IRAG1: variants seen among roughly 807,000 people sequenced by gnomAD.
IRAG1 encodes inositol 1,4,5-triphosphate receptor associated 1, also known as IP3R-associated cGMP kinase substrate.
IRAG1 carries 62 observed loss-of-function variants against 106.2 expected under a neutral mutation model. The ratio of observed to expected loss-of-function variants is 0.58; its 90% CI spans 0.48 to 0.72. IRAG1 has a LOEUF of 0.72. Ranked by LOEUF, IRAG1 falls within the 30% of genes least tolerant of loss-of-function variation. IRAG1 has a pLI of 0.00. For missense variants in IRAG1, 1,064 were observed against 1,140.7 expected (o/e 0.93, Z 0.97); for synonymous variants, 462 against 443.9 (o/e 1.04, Z -0.51).
chr11:10,643,690 C>T (rs1857718705), intron 2 of IRAG1, among the ~76,000 whole-genome samples: 1 of 152,118 alleles, frequency 6.6e-6, no homozygotes, highest in Non-Finnish European at 1.5e-5. Context: ...ATTATCTACC[C>T]AACCTATCAC....
At chr11:10,607,833 C>T in intron 11 of IRAG1, among the ~76,000 whole-genome samples, 1 of 152,160 alleles carries the variant, frequency 6.6e-6, no homozygotes, top group Non-Finnish European at 1.5e-5. Context: ...GCCATGAAGT[C>T]AGCGGAGTCC....
chr11:10,576,699 G>T, intron 20 of IRAG1, 124 bp from the exon 21 acceptor site: 1 of 1,246,674 alleles, frequency 8.0e-7, no homozygotes, highest in Non-Finnish European at 1.1e-6. Flanking sequence ...AAACTTAGCT[G>T]TGCCTAGATT....
In IRAG1 at chr11:10,659,142, A is replaced by C. The variant is rs1174887450; in HGVS notation, c.68-6960T>G. Among the ~76,000 whole-genome samples, 1 of 152,116 alleles carries C rather than the reference A, an allele frequency of 6.6e-6. No individual in the cohort carries two copies. Among genetic ancestry groups the C allele is most frequent in the Non-Finnish European group, 1.5e-5 (1 of 68,020 alleles). ...CCCTGTACTCATGATGACTCCCCCA[A>C]AACAGAGGTTTTTGTTCCACAGGTG... On this transcript the variant is annotated intron_variant, in intron 1 of 20. Transcript: ENST00000423302. The surrounding 1 kb of genome is among the most constrained non-coding windows in gnomAD (Gnocchi z 4.1).
At position 10,604,062 on chromosome 11, in the gene IRAG1, G is replaced by A. The variant is rs148345175; in HGVS notation, c.1743+343C>T. On this transcript the variant is annotated intron_variant, in intron 13 of 20. Coordinates refer to ENST00000423302, the MANE Select transcript of IRAG1 (RefSeq NM_130385.4). ...GGCCCCATCCAGGCTGAGAGAAGTG[G>A]CCTCTGCAGGGCCTGGGCCACAGTT... Among the ~76,000 whole-genome samples, 135 of 152,040 alleles carry A rather than the reference G, an allele frequency of 8.9e-4. 1 individual carries two copies. The East Asian group carries it at 0.024, about 27-fold the overall frequency.
Position 10,573,372 on chromosome 11 carries a change from A to G in IRAG1, c.*2960T>C, listed in dbSNP as rs1850680677. ...GCAGGGAACCAGACTCCTAGGGCTA[A>G]GCAGAGATGTCAGACTTCAGAGGCA... is the stretch of plus-strand genomic sequence containing the variant. On this transcript the variant is annotated 3_prime_UTR_variant, in exon 21 of 21. Coordinates refer to ENST00000423302, the MANE Select transcript of IRAG1 (RefSeq NM_130385.4). 6.6e-6 allele frequency: 1 copy of G among 152,244 alleles called. No homozygotes were observed. Among genetic ancestry groups the G allele is most frequent in the African/African-American group, 2.4e-5 (1 of 41,456 alleles). The allele number at this position is 152,244 out of a possible 1,614,324, so 9.4% of individuals were successfully genotyped here. A position where few individuals can be genotyped will look rare whatever the true frequency, so the allele number is the denominator to read the frequency against.
At chr11:10,579,410 A>G (rs752456723) in intron 20 of IRAG1, among the ~76,000 whole-genome samples, 3 of 152,194 alleles carry the variant, frequency 2.0e-5, no homozygotes, top group African/African-American at 2.4e-5. Flanking sequence ...TTTTGTCTGG[A>G]GCTGCCCTGG....
chr11:10,658,670 C>A (rs1262166717), intron 1 of IRAG1: 2 of 196,808 alleles, frequency 1.0e-5, no homozygotes, highest in African/African-American at 2.4e-5. Context: ...GTGCTCAGTC[C>A]CAGGTCCGTG....
At position 10,665,878 on chromosome 11, in the gene IRAG1, T is replaced by C. The variant is rs1859750596; in HGVS notation, c.68-13696A>G. Among the ~76,000 whole-genome samples the C allele has an allele frequency of 6.6e-6, 1 of 152,202 alleles. No homozygotes were observed. Among genetic ancestry groups the C allele is most frequent in the South Asian group, 2.1e-4 (1 of 4,828 alleles). On this transcript the variant is annotated intron_variant, in intron 1 of 20. Coordinates refer to ENST00000423302, the MANE Select transcript of IRAG1 (RefSeq NM_130385.4). The surrounding 1 kb of genome is among the most constrained non-coding windows in gnomAD (Gnocchi z 4.2). ...GTGAGCAGTCCCTTGGTTATCCAGATGTATGCAAACAGCTGCATTAGCTGA... is the reference window on the plus strand; with the variant it reads ...GTGAGCAGTCCCTTGGTTATCCAGACGTATGCAAACAGCTGCATTAGCTGA...
At position 10,680,534 on chromosome 11, in the gene IRAG1, A is replaced by AGG. The variant is rs1359347721; in HGVS notation, c.67+13000_67+13001dup. On this transcript the variant is annotated intron_variant, in intron 1 of 20. Transcript: ENST00000423302. ...GAAAAAGAAAGGAAGAAAGGAAGGA[A>AGG]GGAAGGGGAAGGGGAAGGGGAAGGG... 1.1e-4 allele frequency among the ~76,000 whole-genome samples: 16 copies of AGG among 141,230 alleles called. No homozygotes were observed. The East Asian group carries it at 1.6e-3, about 14-fold the overall frequency. The allele number at this position is 141,230 out of a possible 152,430, so 92.7% of individuals were successfully genotyped here. A position where few individuals can be genotyped will look rare whatever the true frequency, so the allele number is the denominator to read the frequency against.
intron 1 of IRAG1, among the ~76,000 whole-genome samples, chr11:10,664,988 C>A (rs747575257): frequency 6.6e-6 from 1 of 151,892 alleles, no homozygotes; most frequent in Non-Finnish European, 1.5e-5. Context: ...CCCCTTTTTT[C>A]TTAAGCTGGC....
Position 10,581,934 on chromosome 11 carries a change from G to C in IRAG1, c.2293C>G (p.Leu765Val). Residue 765 changes from leucine to valine, a missense_variant, in exon 19 of 21, where the codon CTG (leucine) becomes GTG (valine). By Grantham distance (32) the Leu-to-Val change is conservative. Coordinates refer to ENST00000423302, the MANE Select transcript of IRAG1 (RefSeq NM_130385.4). ...TGACTAAGCTCCTCCAGGCAGCTCA[G>C]GGTCAGCGCAGGAGCAGAGGCTTCA... ...DCEASAPALT[L>V]SCLEELSQET... 6.2e-7 allele frequency: 1 copy of C among 1,613,926 alleles called. No individual in the cohort carries two copies. Among genetic ancestry groups the C allele is most frequent in the Non-Finnish European group, 8.5e-7 (1 of 1,179,822 alleles).
chr11:10,612,944 T>C (rs1410728244), intron 10 of IRAG1, among the ~76,000 whole-genome samples: 1 of 152,062 alleles, frequency 6.6e-6, no homozygotes, highest in East Asian at 1.9e-4. Context: ...AACCAATTTA[T>C]TGGAAAAATG....
chr11:10,651,985 C>T, intron 2 of IRAG1, 40 bp downstream of exon 2: 1 of 1,521,240 alleles, frequency 6.6e-7, no homozygotes, highest in Non-Finnish European at 8.8e-7. Flanking sequence ...TTGGCTTGGC[C>T]CCCAGCCAGG....
chr11:10,672,632 T>C (rs965097835), intron 1 of IRAG1, among the ~76,000 whole-genome samples: 2 of 152,136 alleles, frequency 1.3e-5, no homozygotes, highest in Non-Finnish European at 2.9e-5. Flanking sequence ...AGGTACCACT[T>C]TACACCCATG....
chr11:10,652,185 G>A lies in IRAG1; in HGVS notation c.68-3C>T. ...CCAAGAGGCCTGGGCTCCACAGGCT[G>A]GGGAGATGCCAAAAGGACAAGTCAA... On this transcript the variant is annotated splice_region_variant and splice_polypyrimidine_tract_variant and intron_variant, in intron 1 of 20. Transcript: ENST00000423302. 1 of 1,613,772 alleles carries A rather than the reference G, an allele frequency of 6.2e-7. No individual in the cohort carries two copies. The highest frequency in any genetic ancestry group is 1.1e-5 in the South Asian group (1 of 90,994).
chr11:10,690,983 G>T (rs775951174), intron 1 of IRAG1, among the ~76,000 whole-genome samples: 2 of 152,244 alleles, frequency 1.3e-5, no homozygotes, highest in South Asian at 4.1e-4. Context: ...CCAGGCCTCT[G>T]CTTCTATTCA....
rs374138278 is a variant in IRAG1, at chr11:10,634,103, G to T, written c.226-32C>A. ...GTTTAGAACAAAAACACAGAGTTAG[G>T]CTTGGGCTGGTGGGACTTCCAGGGA... is the stretch of plus-strand genomic sequence containing the variant. On this transcript the variant is annotated intron_variant, in intron 2 of 20. Transcript: ENST00000423302. 17 of 1,438,628 alleles carry T rather than the reference G, an allele frequency of 1.2e-5. No homozygotes were observed. The Admixed American group carries it at 2.7e-4, about 23-fold the overall frequency. The allele number at this position is 1,438,628 out of a possible 1,614,324, so 89.1% of individuals were successfully genotyped here. A position where few individuals can be genotyped will look rare whatever the true frequency, so the allele number is the denominator to read the frequency against.
At chr11:10,642,796 G>A (rs1293371938) in intron 2 of IRAG1, among the ~76,000 whole-genome samples, 1 of 152,218 alleles carries the variant, frequency 6.6e-6, no homozygotes, top group African/African-American at 2.4e-5. Flanking sequence ...TTGTAGCCTG[G>A]AGGGCAAACA....
At position 10,626,142 on chromosome 11, in the gene IRAG1, C is replaced by T; in HGVS notation, c.1192G>A (p.Gly398Ser). Residue 398 changes from glycine (G) to serine (S), a missense_variant, in exon 9 of 21, where the codon GGC (glycine) becomes AGC (serine). Coordinates refer to ENST00000423302, the MANE Select transcript of IRAG1 (RefSeq NM_130385.4). ...PLLRGLSWDS[G>S]PEEPGPRLQK... ...AGCCGGGGGCCAGGTTCTTCAGGGC[C>T]ACTGTCCCAGGAGAGCCCTCGCAGC... is the stretch of plus-strand genomic sequence containing the variant. 3 of 1,537,330 alleles carry T rather than the reference C, an allele frequency of 2.0e-6. 1 individual carries two copies. In the South Asian group the frequency reaches 3.7e-5, roughly 19 times the overall value.
Sources: gnomAD v4.1 joint callset for allele counts (sites outside exome capture counted in the v4.1 genomes callset) on GRCh38, gnomAD v4.1.1 for gene constraint, Gnocchi (gnomAD v3.1) non-coding constraint, MANE v1.5 for transcripts, NCBI Gene and HGNC (gene_info 2026-07-23, HGNC 2026-07-21) for gene names.